STAG1: variants seen among roughly 807,000 people sequenced by gnomAD.
The protein encoded by STAG1 is STAG1 cohesin complex component, also known as cohesin subunit SA-1.
In STAG1, 26 loss-of-function variants were observed where a neutral mutation model predicts 170.9. The ratio of observed to expected loss-of-function variants is 0.15; its 90% CI spans 0.11 to 0.21. The LOEUF (loss-of-function observed/expected upper bound fraction) is 0.21. Among genes scored for constraint, STAG1 ranks in the 10% least tolerant of loss-of-function variants. STAG1 has a pLI of 1.00. For synonymous variants in STAG1, 514 were observed against 497.7 expected, an observed-to-expected ratio of 1.03 and a Z score of -0.44; for missense variants, 964 against 1,509.5, an observed-to-expected ratio of 0.64 and a Z score of 5.99.
At chr3:136,372,561 T>C (rs1031428831) in intron 23 of STAG1, among the ~76,000 whole-genome samples, 50 of 152,106 alleles carry the variant, frequency 3.3e-4, no homozygotes, top group Admixed American at 6.6e-5. Context: ...AGTATGAAGG[T>C]TGTTGAATTT....
intron 3 of STAG1, among the ~76,000 whole-genome samples, chr3:136,613,605 G>C (rs1939427415): frequency 6.6e-6 from 1 of 152,084 alleles, no homozygotes; most frequent in South Asian, 2.1e-4. Context: ...TTGTGCCTCA[G>C]GCTCCCAAGG....
At chr3:136,717,429 C>G (rs1323375782) in intron 1 of STAG1, among the ~76,000 whole-genome samples, 1 of 152,084 alleles carries the variant, frequency 6.6e-6, no homozygotes, top group African/African-American at 2.4e-5. Context: ...TTTGGGAGGT[C>G]GAGGCAGGTG....
chr3:136,682,080 A>T (rs895709474), intron 1 of STAG1, among the ~76,000 whole-genome samples: 1 of 152,168 alleles, frequency 6.6e-6, no homozygotes, highest in Non-Finnish European at 1.5e-5. Context: ...AAAAGAAATA[A>T]AACTATCTCT....
chr3:136,583,734 A>C (rs897501056), intron 4 of STAG1, among the ~76,000 whole-genome samples: 1 of 152,342 alleles, frequency 6.6e-6, no homozygotes, highest in Non-Finnish European at 1.5e-5. Context: ...GGCTGCAGTG[A>C]GCCAAGATCG....
rs551662076 is a variant in STAG1 at position 136,663,682 on chromosome 3, T to C, written c.-83-32701A>G. 1.8e-4 allele frequency among the ~76,000 whole-genome samples: 28 copies of C among 152,316 alleles called. No homozygotes were observed. The South Asian group carries it at 4.4e-3, about 24-fold the overall frequency. On this transcript the variant is annotated intron_variant, in intron 1 of 33. Coordinates refer to ENST00000383202, the MANE Select transcript of STAG1 (RefSeq NM_005862.3). The stretch of plus-strand genomic sequence containing the variant: ...GTTAAGTAAACTATAAGGTTTCCAA[T>C]TGAACACGGTGGACTGAGCATACAA...
At chr3:136,385,665 T>C (rs1273116535) in intron 22 of STAG1, among the ~76,000 whole-genome samples, 1 of 152,118 alleles carries the variant, frequency 6.6e-6, no homozygotes, top group Non-Finnish European at 1.5e-5. Flanking sequence ...AGGGCTAAAA[T>C]AGTTTCAGTT....
At chr3:136,668,019 A>G (rs1211241979) in intron 1 of STAG1, among the ~76,000 whole-genome samples, 1 of 151,732 alleles carries the variant, frequency 6.6e-6, no homozygotes, top group Non-Finnish European at 1.5e-5. Flanking sequence ...AGAATAGTAG[A>G]TAACTGGCCA....
At chr3:136,619,012 T>C (rs932002265) in intron 3 of STAG1, among the ~76,000 whole-genome samples, 1 of 152,108 alleles carries the variant, frequency 6.6e-6, no homozygotes, top group African/African-American at 2.4e-5. Context: ...AAAAAATCCA[T>C]ATTTACATGT....
Position 136,357,703 on chromosome 3 carries a change from T to C in STAG1, c.3065+17A>G. 1 of 1,570,696 alleles carries C rather than the reference T, an allele frequency of 6.4e-7. No homozygotes were observed. The highest frequency in any genetic ancestry group is 1.2e-5 in the South Asian group (1 of 82,950). ...GTATTATTATAAAAACCACTTCTCTTGTAATGTGCAACTTACACTGTCTTT... is the reference window on the plus strand; with the variant it reads ...GTATTATTATAAAAACCACTTCTCTCGTAATGTGCAACTTACACTGTCTTT... On this transcript the variant is annotated intron_variant, in intron 28 of 33. Transcript: ENST00000383202.
At chr3:136,718,691 A>G (rs555943786) in intron 1 of STAG1, among the ~76,000 whole-genome samples, 1 of 152,202 alleles carries the variant, frequency 6.6e-6, no homozygotes, top group East Asian at 1.9e-4. Flanking sequence ...TTGGGAGGCC[A>G]AGGTGGGTGG....
chr3:136,669,284 T>C (rs1576741904), intron 1 of STAG1, among the ~76,000 whole-genome samples: 1 of 152,182 alleles, frequency 6.6e-6, no homozygotes, highest in Non-Finnish European at 1.5e-5. Context: ...GTTACCCTAT[T>C]GGGTGGTGAA....
In STAG1 at chr3:136,375,736, T is replaced by C. The variant is rs1028697119; in HGVS notation, c.2370+1924A>G. Among the ~76,000 whole-genome samples the C allele has an allele frequency of 2.0e-5, 3 of 151,524 alleles. No homozygotes were observed. The Admixed American group carries it at 2.0e-4, about 10-fold the overall frequency. On this transcript the variant is annotated intron_variant, in intron 23 of 33. Transcript: ENST00000383202. ...CTGTAATCCCAGTACTTTGGGAGGC[T>C]GAGGCAGGCAGATCATGAGGTCAGG...
At chr3:136,598,946 A>C (rs1228227663) in intron 4 of STAG1, among the ~76,000 whole-genome samples, 2 of 152,190 alleles carry the variant, frequency 1.3e-5, no homozygotes, top group African/African-American at 4.8e-5. Context: ...CTCACTCCTG[A>C]GAACAAACTT....
At chr3:136,631,784 C>T (rs1316240507) in intron 1 of STAG1, among the ~76,000 whole-genome samples, 3 of 151,982 alleles carry the variant, frequency 2.0e-5, no homozygotes, top group African/African-American at 4.8e-5. Context: ...CACACTAGGC[C>T]ATTATACCGT....
intron 5 of STAG1, among the ~76,000 whole-genome samples, chr3:136,562,504 G>T (rs532389720): frequency 1.3e-5 from 2 of 151,348 alleles, no homozygotes; most frequent in East Asian, 3.9e-4. Flanking sequence ...CAGGAAATCT[G>T]CCCAAAGAAA....
intron 5 of STAG1, among the ~76,000 whole-genome samples, chr3:136,547,399 A>G (rs1288917601): frequency 6.6e-6 from 1 of 152,270 alleles, no homozygotes; most frequent in African/African-American, 2.4e-5. Flanking sequence ...AGACTCCTCT[A>G]CACTGTGACA....
intron 12 of STAG1, among the ~76,000 whole-genome samples, chr3:136,470,692 T>G (rs1162147575): frequency 3.3e-5 from 5 of 152,180 alleles, no homozygotes; most frequent in Admixed American, 1.3e-4. Context: ...TACATATGTT[T>G]ATTGCGGCAC....
chr3:136,727,649 C>T (rs1933763649), intron 1 of STAG1, among the ~76,000 whole-genome samples: 2 of 152,186 alleles, frequency 1.3e-5, no homozygotes, highest in South Asian at 2.1e-4. Flanking sequence ...AGGAACACAA[C>T]ATGCTAGGTG....
At chr3:136,567,317 C>A (rs1025306629) in intron 5 of STAG1, among the ~76,000 whole-genome samples, 4 of 152,200 alleles carry the variant, frequency 2.6e-5, no homozygotes, top group Admixed American at 1.3e-4. Flanking sequence ...AACTCTCTTA[C>A]TTTCAAATAG....
Sources: allele counts gnomAD v4.1 joint callset (sites outside exome capture counted in the v4.1 genomes callset), GRCh38; gene constraint gnomAD v4.1.1; transcripts MANE v1.5; gene names NCBI Gene and HGNC (gene_info 2026-07-23, HGNC 2026-07-21).